Variants in PNPLA7 observed in about 807,000 individuals in gnomAD.
PNPLA7 encodes the protein patatin like domain 7, lysophospholipase.
A neutral mutation model predicts 161.7 loss-of-function variants in PNPLA7; 153 were observed. The ratio of observed to expected loss-of-function variants is 0.95; its 90% CI spans 0.83 to 1.08. The LOEUF (loss-of-function observed/expected upper bound fraction) is 1.08, where lower values mean the gene tolerates loss of function less well. Among genes scored for constraint, PNPLA7 ranks in the 50% least tolerant of loss-of-function variants. The pLI, the probability that PNPLA7 is intolerant of heterozygous loss-of-function variation, is 0.00. For synonymous variants in PNPLA7, 809 were observed against 782.1 expected, an observed-to-expected ratio of 1.03 and a Z score of -0.57; for missense variants, 1,739 against 1,856.6, an observed-to-expected ratio of 0.94 and a Z score of 1.16.
intron 28 of PNPLA7, among the ~76,000 whole-genome samples, chr9:137,463,818 G>A (rs570641890): frequency 4.6e-5 from 7 of 152,126 alleles, no homozygotes; most frequent in Admixed American, 3.3e-4. Context: ...CCTGAACCAG[G>A]TGAGCCCCTC....
chr9:137,545,826 T>C (rs1836483526), intron 4 of PNPLA7, among the ~76,000 whole-genome samples: 1 of 152,212 alleles, frequency 6.6e-6, no homozygotes, highest in Admixed American at 6.5e-5. Flanking sequence ...GGTCTAGTGG[T>C]GACGCCAGCG....
rs892069504 is a variant in PNPLA7, at chr9:137,543,793, A to G, written c.296T>C (p.Leu99Pro). ...CCGGGGCAGGGCAGTGTTCTCCACA[A>G]GGGTGTTGGGGAGTGTGGTCACCTG... ...MRKVTTLPNT[L>P]VENTALPRQR... The change falls in exon 5 of 35, where the codon CTT becomes CCT. Residue 99 changes from leucine to proline, a missense_variant. Physicochemically the swap from Leu to Pro is moderately conservative, Grantham distance 98. Transcript: ENST00000406427. The surrounding 1 kb of genome is among the most constrained non-coding windows in gnomAD (Gnocchi z 6.9). The G allele has an allele frequency of 6.2e-7, 1 of 1,613,636 alleles. No individual in the cohort carries two copies. The highest frequency in any genetic ancestry group is 1.3e-5 in the African/African-American group (1 of 74,858).
intron 20 of PNPLA7, among the ~76,000 whole-genome samples, chr9:137,485,088 G>A (rs1832407291): frequency 6.6e-6 from 1 of 152,236 alleles, no homozygotes; most frequent in African/African-American, 2.4e-5. Flanking sequence ...GCCGGAGGCT[G>A]TCTTGGTCTC....
At position 137,540,041 on chromosome 9, in the gene PNPLA7, C is replaced by T. The variant is rs919404201; in HGVS notation, c.747+601G>A. 6.6e-6 allele frequency among the ~76,000 whole-genome samples: 1 copy of T among 152,202 alleles called. No individual in the cohort carries two copies. Among genetic ancestry groups the T allele is most frequent in the Non-Finnish European group, 1.5e-5 (1 of 68,042 alleles). ...CCTTGTGATCCACCCACCTCAGCCT[C>T]GCAAAGTGCTGGGATTACAGGTGTG... On this transcript the variant is annotated intron_variant, in intron 8 of 34. Transcript: ENST00000406427. The surrounding 1 kb of genome is among the most constrained non-coding windows in gnomAD (Gnocchi z 5.1).
At chr9:137,529,966 T>G (rs1835501030) in intron 8 of PNPLA7, among the ~76,000 whole-genome samples, 1 of 139,744 alleles carries the variant, frequency 7.2e-6, no homozygotes, top group Non-Finnish European at 1.5e-5. Flanking sequence ...GCCTGAAGTT[T>G]GAATTTTTTT....
chr9:137,549,496 G>A (rs1381200625), intron 1 of PNPLA7, among the ~76,000 whole-genome samples: 1 of 151,720 alleles, frequency 6.6e-6, no homozygotes, highest in African/African-American at 2.4e-5. Flanking sequence ...CGTGAACCTG[G>A]GAGGCAGAGC....
At chr9:137,548,689 A>G (rs911877460) in intron 1 of PNPLA7, among the ~76,000 whole-genome samples, 4 of 152,332 alleles carry the variant, frequency 2.6e-5, no homozygotes, top group African/African-American at 9.6e-5. Context: ...CAGAGCTTGC[A>G]GTGAGCTGAG....
chr9:137,514,118 G>A (rs550866149), intron 12 of PNPLA7, among the ~76,000 whole-genome samples: 7 of 151,088 alleles, frequency 4.6e-5, no homozygotes, highest in South Asian at 2.1e-4. Flanking sequence ...CGGGTCACCC[G>A]GATGTTGAGG....
At position 137,467,328 on chromosome 9, in the gene PNPLA7, G is replaced by C; in HGVS notation, c.3028C>G (p.Gln1010Glu). 1 of 1,613,262 alleles carries C rather than the reference G, an allele frequency of 6.2e-7. No individual in the cohort carries two copies. The highest frequency in any genetic ancestry group is 1.3e-5 in the African/African-American group (1 of 75,036). ...NYSQMRIRAK[Q>E]WAEGMTSLMK... ...GGGTGCCTGCTTACCTCGGCCCACT[G>C]CTTGGCCCGGATCCGCATCTGGCTG... Residue 1010 changes from glutamine (Q) to glutamate (E), a missense_variant, in exon 26 of 35, where the codon CAG (glutamine) becomes GAG (glutamate). By Grantham distance (29) the Gln-to-Glu change is conservative. Around this residue, in one of 6 missense-constraint regions of PNPLA7, gnomAD observed 703 missense variants for 694.6 expected, o/e 1.01. Transcript: ENST00000406427. The surrounding 1 kb of genome is among the most constrained non-coding windows in gnomAD (Gnocchi z 5.1).
Position 137,537,767 on chromosome 9 carries a change from C to A in PNPLA7, c.747+2875G>T, listed in dbSNP as rs1490049794. ...AGCGCACAGCTCCCCTCTCCTGGAA[C>A]AGGCATGGCTGCACTGTGATAAGTG... is the stretch of plus-strand genomic sequence containing the variant. On this transcript the variant is annotated intron_variant, in intron 8 of 34. Coordinates refer to ENST00000406427, the MANE Select transcript of PNPLA7 (RefSeq NM_001098537.3). This position sits in a 1 kb window ranked among gnomAD's most constrained non-coding sequence, Gnocchi z 4.5. 6.6e-6 allele frequency among the ~76,000 whole-genome samples: 1 copy of A among 152,192 alleles called. No individual in the cohort carries two copies. Among genetic ancestry groups the A allele is most frequent in the African/African-American group, 2.4e-5 (1 of 41,416 alleles).
chr9:137,516,372 A>G, intron 11 of PNPLA7: 1 of 984,840 alleles, frequency 1.0e-6, no homozygotes, highest in Non-Finnish European at 1.2e-6. Flanking sequence ...CTGCCTGGAC[A>G]CTGTCCTTAC....
chr9:137,512,133 A>G (rs535890876), intron 12 of PNPLA7, among the ~76,000 whole-genome samples: 2 of 152,240 alleles, frequency 1.3e-5, no homozygotes, highest in Non-Finnish European at 2.9e-5. Flanking sequence ...GTCTTTGCAC[A>G]TGAAGAGAAA....
intron 20 of PNPLA7, among the ~76,000 whole-genome samples, chr9:137,489,550 C>T (rs573378476): frequency 6.6e-5 from 10 of 152,264 alleles, no homozygotes; most frequent in South Asian, 2.1e-4. Context: ...TAAAAACGAC[C>T]GCATGTCACA....
chr9:137,529,848 G>A lies in PNPLA7; in HGVS notation c.748-6991C>T, dbSNP rs181578514. ...AAATTTTTGTATTTTTAGTAGAGAC[G>A]GGGTTTCACCATGTTGACCAGGCTG... On this transcript the variant is annotated intron_variant, in intron 8 of 34. Coordinates refer to ENST00000406427, the MANE Select transcript of PNPLA7 (RefSeq NM_001098537.3). 1.3e-3 allele frequency among the ~76,000 whole-genome samples: 197 copies of A among 151,828 alleles called. 1 individual carries two copies. Among genetic ancestry groups the A allele is most frequent in the Non-Finnish European group, 2.4e-3 (163 of 67,932 alleles).
At position 137,541,297 on chromosome 9, in the gene PNPLA7, G is replaced by A. The variant is rs1447376596; in HGVS notation, c.667-575C>T. Reference sequence around the variant, plus strand: ...AGGAGGGCCCCGCACGAGCGGCAACGAAAGCCGCTGCTTCACCAGCTGGGC... The same window carrying A: ...AGGAGGGCCCCGCACGAGCGGCAACAAAAGCCGCTGCTTCACCAGCTGGGC... On this transcript the variant is annotated intron_variant, in intron 7 of 34. Coordinates refer to ENST00000406427, the MANE Select transcript of PNPLA7 (RefSeq NM_001098537.3). The surrounding 1 kb of genome is among the most constrained non-coding windows in gnomAD (Gnocchi z 4.4). 10 of 423,656 alleles carry A rather than the reference G, an allele frequency of 2.4e-5. No individual in the cohort carries two copies. Among genetic ancestry groups the A allele is most frequent in the Non-Finnish European group, 2.2e-5 (7 of 316,596 alleles). 26.2% of individuals were successfully genotyped at this position (423,656 alleles called of 1,614,324 possible).
intron 25 of PNPLA7, among the ~76,000 whole-genome samples, chr9:137,471,882 T>C (rs1831723310): frequency 6.6e-6 from 1 of 151,998 alleles, no homozygotes; most frequent in Admixed American, 6.6e-5. Context: ...AAAATTCACA[T>C]GCAAATGCAA....
rs937558864 is a variant in PNPLA7, at chr9:137,463,276, C to T, written c.3343+139G>A. On this transcript the variant is annotated intron_variant, in intron 29 of 34. Coordinates refer to ENST00000406427, the MANE Select transcript of PNPLA7 (RefSeq NM_001098537.3). The stretch of plus-strand genomic sequence containing the variant: ...TCTCGGAGCTCTGATGCCAGCCTGA[C>T]ATTTTCCCTTGGCATACTCTAAGGA... 1.2e-5 allele frequency: 9 copies of T among 762,998 alleles called. No individual in the cohort carries two copies. The Admixed American group carries it at 1.8e-4, about 16-fold the overall frequency. 47.3% of individuals were successfully genotyped at this position (762,998 alleles called of 1,614,324 possible). A position where few individuals can be genotyped will look rare whatever the true frequency, so the allele number is the denominator to read the frequency against.
chr9:137,522,276 G>T (rs184719178), intron 9 of PNPLA7, among the ~76,000 whole-genome samples: 15 of 150,866 alleles, frequency 9.9e-5, no homozygotes, highest in African/African-American at 2.2e-4. Flanking sequence ...GGGTTTCACC[G>T]TGTGAGCCAG....
intron 25 of PNPLA7, among the ~76,000 whole-genome samples, chr9:137,469,887 C>T (rs1831636021): frequency 6.6e-6 from 1 of 152,144 alleles, no homozygotes; most frequent in Non-Finnish European, 1.5e-5. Context: ...AAATACTGAA[C>T]AGCTTCATGC....
Sources: allele counts gnomAD v4.1 joint callset (sites outside exome capture counted in the v4.1 genomes callset), GRCh38; gene constraint gnomAD v4.1.1; regional missense constraint gnomAD v4.1.1; non-coding constraint Gnocchi (gnomAD v3.1); transcripts MANE v1.5; gene names NCBI Gene and HGNC (gene_info 2026-07-23, HGNC 2026-07-21).